Variants in CCDC171 observed in about 807,000 individuals in gnomAD.
CCDC171 encodes coiled-coil domain containing 171.
CCDC171 carries 177 observed loss-of-function variants against 168.2 expected under a neutral mutation model. That is an observed-to-expected ratio of 1.05 (90% CI 0.93 to 1.19). The LOEUF (loss-of-function observed/expected upper bound fraction) is 1.19. Ranked by LOEUF, CCDC171 falls within the 50% of genes most tolerant of loss-of-function variation. The pLI is 0.00. For synonymous variants in CCDC171, 687 were observed against 540.8 expected (o/e 1.27, Z -3.75); for missense variants, 1,991 against 1,539.0 (o/e 1.29, Z -4.91).
intron 4 of CCDC171, 113 bp downstream of exon 4, chr9:15,579,136 G>A (rs2040917641): frequency 2.4e-6 from 2 of 819,604 alleles, no homozygotes; most frequent in African/African-American, 1.8e-5. Flanking sequence ...CTGATTCGTT[G>A]ACTGACTTTT....
At chr9:15,713,315 A>C (rs2052818425) in intron 11 of CCDC171, among the ~76,000 whole-genome samples, 1 of 149,678 alleles carries the variant, frequency 6.7e-6, no homozygotes, top group African/African-American at 2.5e-5. Flanking sequence ...AACCAAGCCC[A>C]TTTTTTTTTT....
rs1370138409 is a variant in CCDC171 at position 15,571,657 on chromosome 9, A to G, written c.75A>G (p.Ile25Met). ...LKIASLDVKQ[I>M]LKNETELDIT... The stretch of plus-strand genomic sequence containing the variant: ...TTGCCTCATTGGATGTAAAACAAAT[A>G]CTTAAAAATGAAACAGAGTTGGATA... Residue 25 changes from isoleucine (I) to methionine (M), a missense_variant, in exon 3 of 26, where the codon ATA (isoleucine) becomes ATG (methionine). Coordinates refer to ENST00000380701, the MANE Select transcript of CCDC171 (RefSeq NM_173550.4). 6.4e-7 allele frequency: 1 copy of G among 1,568,638 alleles called. No homozygotes were observed.
chr9:15,779,026 CAGA>C lies in CCDC171; in HGVS notation c.2960_2962del (p.Glu987del), dbSNP rs756872477. ...GGATTTACACAAAGACTGCATGCTG[CAGA>C]AGTGGAGCGCCGCTCACTACGCTTA... On this transcript the variant is annotated inframe_deletion, in exon 20 of 26. Coordinates refer to ENST00000380701, the MANE Select transcript of CCDC171 (RefSeq NM_173550.4). 1.3e-6 allele frequency: 2 copies of C among 1,596,690 alleles called. No individual in the cohort carries two copies. The highest frequency in any genetic ancestry group is 1.7e-6 in the Non-Finnish European group (2 of 1,172,590).
intron 21 of CCDC171, among the ~76,000 whole-genome samples, chr9:15,846,501 A>G (rs1263061478): frequency 6.6e-6 from 1 of 152,114 alleles, no homozygotes; most frequent in Non-Finnish European, 1.5e-5. Flanking sequence ...TTTTGTAACA[A>G]TTTCCCAAAC....
At chr9:15,898,007 C>G (rs977433423) in intron 24 of CCDC171, among the ~76,000 whole-genome samples, 9 of 152,138 alleles carry the variant, frequency 5.9e-5, no homozygotes, top group African/African-American at 2.2e-4. Context: ...TAATATGAGT[C>G]TTACAGCATT....
intron 11 of CCDC171, among the ~76,000 whole-genome samples, chr9:15,712,717 C>T (rs2052764217): frequency 6.6e-6 from 1 of 152,144 alleles, no homozygotes; most frequent in East Asian, 1.9e-4. Flanking sequence ...ATCTCATCCT[C>T]CCAGAGGATG....
At chr9:15,552,907 G>T (rs1368219804), upstream of CCDC171, among the ~76,000 whole-genome samples, 1 of 151,108 alleles carries the variant, frequency 6.6e-6, no homozygotes, top group Non-Finnish European at 1.5e-5. Context: ...GTCCCTCAGC[G>T]AAGGCGCGCT....
intron 1 of CCDC171, among the ~76,000 whole-genome samples, chr9:16,043,611 C>T (rs1265169643): frequency 6.6e-6 from 1 of 152,178 alleles, no homozygotes; most frequent in Non-Finnish European, 1.5e-5. Flanking sequence ...TTTACCTGTG[C>T]CACTTCAAAG....
At chr9:15,598,924 G>A (rs577107434) in intron 6 of CCDC171, among the ~76,000 whole-genome samples, 1 of 151,980 alleles carries the variant, frequency 6.6e-6, no homozygotes, top group African/African-American at 2.4e-5. Flanking sequence ...TGTCTCTTTT[G>A]ATCTTTGTTG....
intron 1 of CCDC171, among the ~76,000 whole-genome samples, chr9:16,048,232 C>G (rs1457350883): frequency 6.6e-6 from 1 of 152,222 alleles, no homozygotes; most frequent in Non-Finnish European, 1.5e-5. Flanking sequence ...CAGTACCATT[C>G]TCCCTGATGG....
At chr9:15,968,614 C>G (rs535467639) in intron 25 of CCDC171, among the ~76,000 whole-genome samples, 1 of 131,984 alleles carries the variant, frequency 7.6e-6, no homozygotes, top group South Asian at 2.5e-4. Context: ...GTGGTGTGAT[C>G]TTGGCTTACT....
intron 3 of CCDC171, 27 bp from the exon 4 acceptor site, chr9:15,578,822 A>G (rs751311718): frequency 5.0e-6 from 8 of 1,591,984 alleles, no homozygotes; most frequent in East Asian, 2.2e-5. Flanking sequence ...CTTTGGACAC[A>G]TGTTGATATC....
chr9:15,587,551 C>T, intron 4 of CCDC171: 2 of 439,886 alleles, frequency 4.5e-6, no homozygotes, highest in South Asian at 3.2e-5. Flanking sequence ...TGTCTTTATC[C>T]AAAAAAACAG....
rs147071221 is a variant in CCDC171 at position 15,627,581 on chromosome 9, T to C, written c.822+4168T>C. ...TGTCTTCATTTCGTTATGTACCCAG[T>C]AGTCATTCAGGAGCAGGTTGTTCAG... On this transcript the variant is annotated intron_variant, in intron 7 of 25. Transcript: ENST00000380701. Among the ~76,000 whole-genome samples the C allele has an allele frequency of 6.2e-4, 94 of 152,336 alleles. No individual in the cohort carries two copies. In the East Asian group the frequency reaches 0.016, roughly 26 times the overall value.
intron 18 of CCDC171, among the ~76,000 whole-genome samples, chr9:15,757,455 G>A (rs1043041180): frequency 6.6e-6 from 1 of 152,150 alleles, no homozygotes; most frequent in South Asian, 2.1e-4. Context: ...AGCAAAAGAG[G>A]TGACTTGGGT....
chr9:15,967,797 C>T (rs1438144137), intron 25 of CCDC171, among the ~76,000 whole-genome samples: 1 of 152,204 alleles, frequency 6.6e-6, no homozygotes. Flanking sequence ...TACTAAATCA[C>T]ATTTTTCCTC....
intron 3 of CCDC171, among the ~76,000 whole-genome samples, chr9:15,990,801 A>G (rs1340075982): frequency 6.6e-6 from 1 of 152,228 alleles, no homozygotes; most frequent in Admixed American, 6.5e-5. Context: ...GCAGGCTTTA[A>G]GCCAACAAAG....
intron 24 of CCDC171, among the ~76,000 whole-genome samples, chr9:15,890,238 A>T (rs1206430034): frequency 6.6e-6 from 1 of 152,130 alleles, no homozygotes; most frequent in East Asian, 1.9e-4. Flanking sequence ...AATGAAAGAC[A>T]TGGTTGCCAT....
chr9:15,588,697 A>C (rs1042841364), intron 4 of CCDC171: 1 of 144,946 alleles, frequency 6.9e-6, no homozygotes, highest in African/African-American at 2.9e-5. Context: ...ATGAAGATGC[A>C]GACTTTTTTT....
Sources: gnomAD v4.1 joint callset for allele counts (sites outside exome capture counted in the v4.1 genomes callset) on GRCh38, gnomAD v4.1.1 for gene constraint, MANE v1.5 for transcripts, NCBI Gene and HGNC (gene_info 2026-07-23, HGNC 2026-07-21) for gene names.